The following MCTP1 variants were observed in gnomAD, a reference collection of about 807,000 sequenced individuals.
MCTP1 encodes multiple C2 and transmembrane domain-containing protein 1.
A neutral mutation model predicts 120.6 loss-of-function variants in MCTP1; 69 were observed. The ratio of observed to expected loss-of-function variants is 0.57; its 90% CI spans 0.47 to 0.70. MCTP1 has a LOEUF of 0.70. Among genes scored for constraint, MCTP1 ranks in the 30% least tolerant of loss-of-function variants. MCTP1 has a pLI of 0.00. For missense variants in MCTP1, 1,203 were observed against 1,248.8 expected (o/e 0.96, Z 0.55); for synonymous variants, 529 against 493.1 (o/e 1.07, Z -0.96).
At chr5:95,229,377 C>A (rs1754653489) in intron 1 of MCTP1, among the ~76,000 whole-genome samples, 1 of 152,144 alleles carries the variant, frequency 6.6e-6, no homozygotes. Flanking sequence ...AAATCTTGGA[C>A]AGTATATCTA....
chr5:94,919,437 C>A (rs1427748200), intron 7 of MCTP1, among the ~76,000 whole-genome samples: 1 of 152,122 alleles, frequency 6.6e-6, no homozygotes, highest in East Asian at 1.9e-4. Flanking sequence ...TTAAACCAAT[C>A]CCCTTCCCTG....
chr5:94,989,095 A>C (rs933908062), intron 2 of MCTP1, among the ~76,000 whole-genome samples: 1 of 152,124 alleles, frequency 6.6e-6, no homozygotes, highest in Non-Finnish European at 1.5e-5. Flanking sequence ...TTAAAAAAAC[A>C]AAATTATTTT....
intron 1 of MCTP1, among the ~76,000 whole-genome samples, chr5:95,160,550 A>T (rs1408151237): frequency 6.6e-6 from 1 of 152,018 alleles, no homozygotes; most frequent in African/African-American, 2.4e-5. Flanking sequence ...GTCTGGGCAA[A>T]TATTTCTTAG....
chr5:95,024,075 T>A (rs1838729819), intron 1 of MCTP1: 1 of 450,312 alleles, frequency 2.2e-6, no homozygotes, highest in Non-Finnish European at 4.5e-6. Flanking sequence ...AATTGTTTTC[T>A]TTGTTGTGCA....
intron 1 of MCTP1, among the ~76,000 whole-genome samples, chr5:95,257,628 T>C (rs1758024225): frequency 2.0e-5 from 3 of 152,300 alleles, no homozygotes; most frequent in South Asian, 2.1e-4. Context: ...CCAATAGCAA[T>C]GAGCACACTT....
intron 10 of MCTP1, among the ~76,000 whole-genome samples, chr5:94,899,110 C>T (rs1384456541): frequency 6.6e-6 from 1 of 152,150 alleles, no homozygotes; most frequent in Non-Finnish European, 1.5e-5. Context: ...TTGCAAAGAG[C>T]AGTAGGGTGT....
chr5:95,029,197 A>G (rs1839852454), intron 1 of MCTP1, among the ~76,000 whole-genome samples: 1 of 152,088 alleles, frequency 6.6e-6, no homozygotes. Context: ...ACTGTAAGAA[A>G]TTGTTCAAAT....
intron 2 of MCTP1, among the ~76,000 whole-genome samples, chr5:95,008,957 AGTCT>A (rs1835315534): frequency 6.6e-6 from 1 of 151,884 alleles, no homozygotes; most frequent in Non-Finnish European, 1.5e-5. Flanking sequence ...TGAACCCAGG[AGTCT>A]GAGGCTGCAA....
At chr5:94,801,085 A>G in intron 17 of MCTP1, among the ~76,000 whole-genome samples, 1 of 152,250 alleles carries the variant, frequency 6.6e-6, no homozygotes, top group African/African-American at 2.4e-5. Context: ...ACATCAATAC[A>G]TGTAAAAGGG....
chr5:94,909,474 A>G, intron 9 of MCTP1, 93 bp from the exon 10 acceptor site: 4 of 1,294,604 alleles, frequency 3.1e-6, no homozygotes, highest in Non-Finnish European at 4.2e-6. Flanking sequence ...GTACTATAGT[A>G]TCTAGAAAAG....
At chr5:95,249,305 C>G (rs1241546738) in intron 1 of MCTP1, among the ~76,000 whole-genome samples, 1 of 151,990 alleles carries the variant, frequency 6.6e-6, no homozygotes, top group Non-Finnish European at 1.5e-5. Context: ...AGAACTTAAA[C>G]AAATTTACAA....
At chr5:94,743,792 C>T (rs983857519) in intron 19 of MCTP1, among the ~76,000 whole-genome samples, 3 of 152,042 alleles carry the variant, frequency 2.0e-5, no homozygotes, top group South Asian at 2.1e-4. Flanking sequence ...CACCTGCCAC[C>T]ACACCCGGCT....
chr5:94,713,948 G>A (rs1280451645), intron 20 of MCTP1, among the ~76,000 whole-genome samples: 6 of 152,036 alleles, frequency 3.9e-5, no homozygotes, highest in Admixed American at 3.9e-4. Flanking sequence ...CATTATACTA[G>A]GAAAATAAAG....
rs138756012 is a variant in MCTP1, at chr5:94,889,915, T to G, written c.1840-943A>C. 4.9e-3 allele frequency among the ~76,000 whole-genome samples: 748 copies of G among 152,358 alleles called. 5 individuals are homozygous for G. Among genetic ancestry groups the G allele is most frequent in the Non-Finnish European group, 7.7e-3 (525 of 68,026 alleles). On this transcript the variant is annotated intron_variant, in intron 11 of 22. Transcript: ENST00000515393. ...TGGAATAGATATGTCTGCTTCCTTT[T>G]TCAATCTCCTCTAGCCAGCAAACCA...
intron 6 of MCTP1, 65 bp downstream of exon 6, chr5:94,931,888 T>G: frequency 2.6e-6 from 3 of 1,176,338 alleles, no homozygotes; most frequent in Non-Finnish European, 3.8e-6. Context: ...ATGAGAGAGA[T>G]CTGGGAAAGC....
At chr5:95,110,413 C>A (rs1181043656) in intron 1 of MCTP1, among the ~76,000 whole-genome samples, 1 of 152,010 alleles carries the variant, frequency 6.6e-6, no homozygotes, top group Non-Finnish European at 1.5e-5. Flanking sequence ...CTGTCTCTCT[C>A]TTTCTGCCTG....
At chr5:94,899,325 C>G (rs1804894852) in intron 10 of MCTP1, among the ~76,000 whole-genome samples, 1 of 152,236 alleles carries the variant, frequency 6.6e-6, no homozygotes, top group Non-Finnish European at 1.5e-5. Flanking sequence ...GCCTCAGCTG[C>G]TCCTTTGGCT....
chr5:94,895,713 C>T (rs535619490), intron 10 of MCTP1, among the ~76,000 whole-genome samples: 2 of 152,272 alleles, frequency 1.3e-5, no homozygotes, highest in South Asian at 2.1e-4. Flanking sequence ...TATGGTTTTG[C>T]TTTTAAACTA....
intron 10 of MCTP1, among the ~76,000 whole-genome samples, chr5:94,902,593 GAAC>G (rs1251155106): frequency 1.3e-5 from 2 of 152,020 alleles, no homozygotes; most frequent in African/African-American, 2.4e-5. Flanking sequence ...TAATATATGA[GAAC>G]TACTTTACAT....
Sources: allele counts gnomAD v4.1 joint callset (sites outside exome capture counted in the v4.1 genomes callset), GRCh38; gene constraint gnomAD v4.1.1; transcripts MANE v1.5; gene names NCBI Gene and HGNC (gene_info 2026-07-23, HGNC 2026-07-21).